Variants in CNTNAP5 observed in about 807,000 individuals in gnomAD.
The protein encoded by CNTNAP5 is contactin-associated protein-like 5.
In CNTNAP5, 72 loss-of-function variants were observed where a neutral mutation model predicts 150.2. That is an observed-to-expected ratio of 0.48 (90% CI 0.40 to 0.58). The LOEUF (loss-of-function observed/expected upper bound fraction) is 0.58, where lower values mean the gene tolerates loss of function less well. Among genes scored for constraint, CNTNAP5 ranks in the 20% least tolerant of loss-of-function variants. The pLI, the probability that CNTNAP5 is intolerant of heterozygous loss-of-function variation, is 0.00. For synonymous variants in CNTNAP5, 672 were observed against 619.8 expected (o/e 1.08, Z -1.25); for missense variants, 1,636 against 1,626.2 (o/e 1.01, Z -0.10).
chr2:124,807,362 C>T (rs1424738514), intron 19 of CNTNAP5, among the ~76,000 whole-genome samples: 1 of 152,142 alleles, frequency 6.6e-6, no homozygotes, highest in Non-Finnish European at 1.5e-5. Context: ...CTTAAGAATC[C>T]AGTTCAAATT....
intron 1 of CNTNAP5, among the ~76,000 whole-genome samples, chr2:124,176,470 T>C (rs966645092): frequency 3.3e-5 from 5 of 152,164 alleles, no homozygotes; most frequent in Non-Finnish European, 4.4e-5. Flanking sequence ...CCATTGCCTC[T>C]GAAAGGTAGC....
intron 5 of CNTNAP5, among the ~76,000 whole-genome samples, chr2:124,446,201 G>T (rs1043784657): frequency 1.3e-5 from 2 of 152,180 alleles, no homozygotes; most frequent in Admixed American, 6.5e-5. Flanking sequence ...GTCCAATGGA[G>T]ATGATAATTT....
rs147390194 is a variant in CNTNAP5, at chr2:124,544,193, C to T, written c.1649+16737C>T. On this transcript the variant is annotated intron_variant, in intron 10 of 23. Transcript: ENST00000682447. ...GTCTTAAGGGATCATCTTGGAGATA[C>T]AAGAGAGTATCCATGCAAGGCTAGT... is the stretch of plus-strand genomic sequence containing the variant. 5.9e-5 allele frequency among the ~76,000 whole-genome samples: 9 copies of T among 152,032 alleles called. No homozygotes were observed. In the East Asian group the frequency reaches 1.4e-3, roughly 23 times the overall value.
intron 2 of CNTNAP5, among the ~76,000 whole-genome samples, chr2:124,229,499 GA>G (rs1274613674): frequency 3.3e-5 from 5 of 152,062 alleles, no homozygotes; most frequent in Admixed American, 3.3e-4. Flanking sequence ...CAAAAAAAAT[GA>G]AAAGCAAGGA....
At chr2:124,209,463 A>G (rs1317121204) in intron 1 of CNTNAP5, among the ~76,000 whole-genome samples, 2 of 152,196 alleles carry the variant, frequency 1.3e-5, no homozygotes, top group Non-Finnish European at 2.9e-5. Context: ...TCTCATCGAT[A>G]TTCTCTTTAA....
intron 3 of CNTNAP5, among the ~76,000 whole-genome samples, chr2:124,261,124 C>T (rs957855674): frequency 4.6e-5 from 7 of 152,018 alleles, no homozygotes; most frequent in African/African-American, 9.7e-5. Flanking sequence ...TTCTGAAAAG[C>T]GATACATATC....
chr2:124,276,628 A>C (rs1327795371), intron 3 of CNTNAP5, among the ~76,000 whole-genome samples: 3 of 152,200 alleles, frequency 2.0e-5, no homozygotes, highest in African/African-American at 7.2e-5. Context: ...TCCCAAGTCT[A>C]AAGCTGATAT....
chr2:124,306,679 T>C (rs1181892429), intron 3 of CNTNAP5, among the ~76,000 whole-genome samples: 1 of 151,426 alleles, frequency 6.6e-6, no homozygotes, highest in Non-Finnish European at 1.5e-5. Context: ...ATGGTCATCA[T>C]GGTCATGTAT....
intron 8 of CNTNAP5, among the ~76,000 whole-genome samples, chr2:124,512,830 A>G (rs534879589): frequency 6.6e-6 from 1 of 152,298 alleles, no homozygotes; most frequent in African/African-American, 2.4e-5. Context: ...AGCTTGAAAT[A>G]TGGTGAGATT....
intron 21 of CNTNAP5, among the ~76,000 whole-genome samples, chr2:124,871,335 A>G (rs1341723329): frequency 1.4e-5 from 2 of 144,062 alleles, no homozygotes; most frequent in Non-Finnish European, 2.9e-5. Context: ...ATCTTGGAAG[A>G]TAATTTTGCT....
intron 3 of CNTNAP5, among the ~76,000 whole-genome samples, chr2:124,395,448 T>A (rs1340934167): frequency 6.6e-6 from 1 of 152,120 alleles, no homozygotes; most frequent in African/African-American, 2.4e-5. Context: ...AAGACTGATG[T>A]GAAAACATGC....
intron 3 of CNTNAP5, among the ~76,000 whole-genome samples, chr2:124,313,511 A>G (rs1688885081): frequency 6.6e-6 from 1 of 152,228 alleles, no homozygotes; most frequent in Non-Finnish European, 1.5e-5. Context: ...AGAATTGCCT[A>G]GAAACTCAAA....
chr2:124,174,089 C>T (rs551913474), intron 1 of CNTNAP5, among the ~76,000 whole-genome samples: 1 of 143,996 alleles, frequency 6.9e-6, no homozygotes, highest in East Asian at 2.1e-4. Context: ...GTTGAGCCCA[C>T]TGTTGAGATT....
chr2:124,450,620 T>C (rs1456594033), intron 6 of CNTNAP5, among the ~76,000 whole-genome samples: 3 of 151,204 alleles, frequency 2.0e-5, no homozygotes, highest in African/African-American at 7.3e-5. Context: ...TAAAATGTCT[T>C]CTCAGTTTAC....
intron 7 of CNTNAP5, among the ~76,000 whole-genome samples, chr2:124,484,832 A>C (rs891816626): frequency 4.6e-5 from 7 of 152,228 alleles, no homozygotes; most frequent in Admixed American, 3.9e-4. Context: ...GGCTTCATTG[A>C]TGCCTGTGAA....
At chr2:124,611,026 T>TTTTG (rs140567997) in intron 12 of CNTNAP5, among the ~76,000 whole-genome samples, 5 of 151,148 alleles carry the variant, frequency 3.3e-5, no homozygotes, top group Non-Finnish European at 5.9e-5. Context: ...CACGCACATT[T>TTTTG]TTTGTTTGTT....
chr2:124,358,212 A>G (rs1447053274), intron 3 of CNTNAP5, among the ~76,000 whole-genome samples: 1 of 152,154 alleles, frequency 6.6e-6, no homozygotes, highest in Non-Finnish European at 1.5e-5. Flanking sequence ...GGCTGAGACA[A>G]TGGGGTTTTC....
chr2:124,469,809 A>C (rs1693461905), intron 6 of CNTNAP5, among the ~76,000 whole-genome samples: 1 of 152,112 alleles, frequency 6.6e-6, no homozygotes, highest in African/African-American at 2.4e-5. Context: ...CCCAATTATA[A>C]GTGAGAACAT....
intron 3 of CNTNAP5, among the ~76,000 whole-genome samples, chr2:124,410,322 A>C (rs1179119499): frequency 1.3e-5 from 2 of 151,512 alleles, no homozygotes; most frequent in Non-Finnish European, 2.9e-5. Flanking sequence ...CAGATCAACG[A>C]GACAGAAAGT....
Sources: allele counts gnomAD v4.1 joint callset (sites outside exome capture counted in the v4.1 genomes callset), GRCh38; gene constraint gnomAD v4.1.1; transcripts MANE v1.5; gene names NCBI Gene and HGNC (gene_info 2026-07-23, HGNC 2026-07-21).